The following CACNA2D4 variants were observed in gnomAD, a reference collection of about 807,000 sequenced individuals.
The protein encoded by CACNA2D4 is voltage-dependent calcium channel subunit alpha-2/delta-4.
Under a neutral mutation model 163.8 loss-of-function variants are expected in CACNA2D4, and 157 were observed. The observed-to-expected ratio is 0.96, with a 90% CI of 0.84 to 1.09. The LOEUF (loss-of-function observed/expected upper bound fraction) is 1.09, where lower values mean the gene tolerates loss of function less well. CACNA2D4 is among the 50% of genes least tolerant of loss of function. The probability of loss-of-function intolerance (pLI) is 0.00; values close to 1 mark genes in which losing one functional copy is unlikely to be tolerated. For missense variants in CACNA2D4, 1,410 were observed against 1,479.9 expected (o/e 0.95, Z 0.78); for synonymous variants, 598 against 586.9 (o/e 1.02, Z -0.27).
At chr12:1,822,837 C>T (rs1016603540) in intron 26 of CACNA2D4, among the ~76,000 whole-genome samples, 6 of 149,126 alleles carry the variant, frequency 4.0e-5, no homozygotes, top group Non-Finnish European at 8.8e-5. Context: ...ACGGCTGTGG[C>T]AGCCTCCCCT....
Position 1,801,899 on chromosome 12 carries a change from A to G in CACNA2D4, c.2722-255T>C, listed in dbSNP as rs185255188. On this transcript the variant is annotated intron_variant, in intron 29 of 37. Coordinates refer to ENST00000382722, the MANE Select transcript of CACNA2D4 (RefSeq NM_172364.5). ...CACCCGCTAGCTGACTATGAGACCA[A>G]CGTAGAGGCTGCAATGTGATTTTTT... Among the ~76,000 whole-genome samples the G allele has an allele frequency of 5.9e-5, 9 of 152,082 alleles. No homozygotes were observed. The East Asian group carries it at 1.4e-3, about 23-fold the overall frequency.
At chr12:1,809,643 C>G in intron 29 of CACNA2D4, 1 of 687,024 alleles carries the variant, frequency 1.5e-6, no homozygotes, top group Non-Finnish European at 2.6e-6. Context: ...TTCTCTTTTT[C>G]CTTTCTGAGC....
chr12:1,797,306 C>A, intron 35 of CACNA2D4, 112 bp downstream of exon 35: 3 of 792,858 alleles, frequency 3.8e-6, no homozygotes, highest in Non-Finnish European at 6.3e-6. Flanking sequence ...CGCATCCCCT[C>A]CTCCCGGCTG....
chr12:1,898,255 G>C (rs1866450577), intron 6 of CACNA2D4, among the ~76,000 whole-genome samples: 1 of 152,066 alleles, frequency 6.6e-6, no homozygotes, highest in African/African-American at 2.4e-5. Context: ...AAACCTGTAT[G>C]TATCAAAGGC....
rs1038757875 is a variant in CACNA2D4, at chr12:1,874,428, G to C, written c.1878+176C>G. Among the ~76,000 whole-genome samples the C allele has an allele frequency of 6.6e-6, 1 of 152,138 alleles. No individual in the cohort carries two copies. The highest frequency in any genetic ancestry group is 1.5e-5 in the Non-Finnish European group (1 of 68,032). ...AGCAATCCTGTCATTCCCTGGCTAG[G>C]TGTTTCTCCAGGGCCAATGCACCCT... is the stretch of plus-strand genomic sequence containing the variant. On this transcript the variant is annotated intron_variant, in intron 18 of 37. Transcript: ENST00000382722. The surrounding 1 kb of genome is among the most constrained non-coding windows in gnomAD (Gnocchi z 4.4).
Position 1,853,960 on chromosome 12 carries a change from T to C in CACNA2D4, c.2237A>G (p.Asn746Ser). 2 of 1,612,948 alleles carry C rather than the reference T, an allele frequency of 1.2e-6. No homozygotes were observed. The highest frequency in any genetic ancestry group is 1.7e-6 in the Non-Finnish European group (2 of 1,179,284). ...MEAYWTALAL[N>S]MSEESEHVVD... ...GGGAACCTGGACCTACTCGGACATG[T>C]TGAGGGCCAGCGCTGTCCAGTAGGC... The change falls in exon 23 of 38, where the codon AAC (asparagine) becomes AGC (serine). Residue 746 changes from asparagine (N) to serine (S), a missense_variant. Physicochemically the swap from Asn to Ser is conservative, Grantham distance 46 (BLOSUM62 1). Coordinates refer to ENST00000382722, the MANE Select transcript of CACNA2D4 (RefSeq NM_172364.5).
rs540448023 is a variant in CACNA2D4, at chr12:1,852,882, G to A, written c.2246+1069C>T. Among the ~76,000 whole-genome samples, 18 of 152,212 alleles carry A rather than the reference G, an allele frequency of 1.2e-4. No individual in the cohort carries two copies. In the East Asian group the frequency reaches 2.5e-3, roughly 21 times the overall value. The stretch of plus-strand genomic sequence containing the variant: ...GACCTCAGGCGAGTTGCTTGATCTC[G>A]CTATGCTTTGTTTTCCTCATCTGTC... On this transcript the variant is annotated intron_variant, in intron 23 of 37. Coordinates refer to ENST00000382722, the MANE Select transcript of CACNA2D4 (RefSeq NM_172364.5).
At chr12:1,904,505 A>G (rs1866609906) in intron 6 of CACNA2D4, among the ~76,000 whole-genome samples, 1 of 152,048 alleles carries the variant, frequency 6.6e-6, no homozygotes, top group Non-Finnish European at 1.5e-5. Flanking sequence ...CACATACTAT[A>G]TACCCACAAA....
chr12:1,897,371 G>A (rs1225743703), intron 6 of CACNA2D4, among the ~76,000 whole-genome samples: 1 of 152,214 alleles, frequency 6.6e-6, no homozygotes. Context: ...ATAGTTAGAA[G>A]AGAGGACTTG....
At chr12:1,856,352 C>T in intron 20 of CACNA2D4, 123 bp from the exon 21 acceptor site, 2 of 1,013,470 alleles carry the variant, frequency 2.0e-6, no homozygotes, top group South Asian at 1.4e-5. Flanking sequence ...TTCTTTCTTG[C>T]TCTTAGCTCA....
Position 1,834,162 on chromosome 12 carries a change from TA to T in CACNA2D4, c.2551+6576del. 1 of 1,343,238 alleles carries T rather than the reference TA, an allele frequency of 7.4e-7. No homozygotes were observed. The highest frequency in any genetic ancestry group is 9.9e-7 in the Non-Finnish European group (1 of 1,006,246). The allele number at this position is 1,343,238 out of a possible 1,614,324, so 83.2% of individuals were successfully genotyped here. ...ATTCCAGGATTGACTACATTGCTGA[TA>T]AAAACTACCTTCTGGGGCTTCCGTT... On this transcript the variant is annotated intron_variant, in intron 26 of 37. Transcript: ENST00000382722. This position sits in a 1 kb window ranked among gnomAD's most constrained non-coding sequence, Gnocchi z 7.6.
intron 6 of CACNA2D4, among the ~76,000 whole-genome samples, chr12:1,889,899 G>A (rs569521581): frequency 6.6e-5 from 10 of 152,228 alleles, no homozygotes; most frequent in African/African-American, 2.4e-4. Context: ...CCACAAAGAA[G>A]GACAAAAATA....
At chr12:1,817,201 C>A (rs1328753400) in intron 26 of CACNA2D4, among the ~76,000 whole-genome samples, 1 of 152,198 alleles carries the variant, frequency 6.6e-6, no homozygotes, top group Non-Finnish European at 1.5e-5. Context: ...AGAAGGGAGA[C>A]CAGAGATCTC....
intron 30 of CACNA2D4, 63 bp downstream of exon 30, chr12:1,801,511 A>T (rs1173764037): frequency 1.5e-6 from 2 of 1,308,940 alleles, no homozygotes; most frequent in Non-Finnish European, 2.2e-6. Flanking sequence ...CGCCAGGACC[A>T]CTTAGCGTCA....
chr12:1,802,015 C>CTGTGTGTGTGTGTGTGTGTGTGTG lies in CACNA2D4; in HGVS notation c.2722-395_2722-372dup, dbSNP rs60739615. ...TATGAAACTGGATTTGTTTTATATG[C>CTGTGTGTGTGTGTGTGTGTGTGTG]TGTGTGTGTGTGTGTGTGTGTGTGT... On this transcript the variant is annotated intron_variant, in intron 29 of 37. Coordinates refer to ENST00000382722, the MANE Select transcript of CACNA2D4 (RefSeq NM_172364.5). This position sits in a 1 kb window ranked among gnomAD's most constrained non-coding sequence, Gnocchi z 4.7. Among the ~76,000 whole-genome samples the CTGTGTGTGTGTGTGTGTGTGTGTG allele has an allele frequency of 6.9e-6, 1 of 144,168 alleles. No individual in the cohort carries two copies. The highest frequency in any genetic ancestry group is 1.5e-5 in the Non-Finnish European group (1 of 65,926). The allele number at this position is 144,168 out of a possible 152,430, so 94.6% of individuals were successfully genotyped here. A position where few individuals can be genotyped will look rare whatever the true frequency, so the allele number is the denominator to read the frequency against.
At chr12:1,879,652 G>T (rs904483958) in intron 14 of CACNA2D4, among the ~76,000 whole-genome samples, 152 bp downstream of exon 14, 3 of 152,202 alleles carry the variant, frequency 2.0e-5, no homozygotes, top group East Asian at 1.9e-4. Flanking sequence ...AGAGTCTGGG[G>T]TAGCTACTCT....
chr12:1,821,198 C>T (rs959255708), intron 26 of CACNA2D4, among the ~76,000 whole-genome samples: 2 of 152,122 alleles, frequency 1.3e-5, no homozygotes, highest in South Asian at 2.1e-4. Flanking sequence ...CCAAGAAACT[C>T]GGGGGTCATG....
chr12:1,827,996 C>T (rs1864425321), intron 26 of CACNA2D4: 2 of 538,252 alleles, frequency 3.7e-6, no homozygotes, highest in East Asian at 3.3e-5. Context: ...TGTAAAGAGA[C>T]ACCCGGGCCC....
At chr12:1,831,008 C>T (rs768025964) in intron 26 of CACNA2D4, 1 of 1,614,154 alleles carries the variant, frequency 6.2e-7, no homozygotes. Context: ...AGTGTGACAG[C>T]CGCAGCCTGG....
Sources: allele counts gnomAD v4.1 joint callset (sites outside exome capture counted in the v4.1 genomes callset), GRCh38; gene constraint gnomAD v4.1.1; non-coding constraint Gnocchi (gnomAD v3.1); transcripts MANE v1.5; gene names NCBI Gene and HGNC (gene_info 2026-07-23, HGNC 2026-07-21).